The following SPON1 variants were observed in gnomAD, a reference collection of about 807,000 sequenced individuals.
SPON1 encodes the protein spondin 1.
SPON1 carries 52 observed loss-of-function variants against 111.7 expected under a neutral mutation model. The observed-to-expected ratio is 0.47, with a 90% CI of 0.37 to 0.59. SPON1 has a LOEUF of 0.59. SPON1 is among the 20% of genes least tolerant of loss of function. The pLI, the probability that SPON1 is intolerant of heterozygous loss-of-function variation, is 0.00. For missense variants in SPON1, 957 were observed against 1,068.5 expected, an observed-to-expected ratio of 0.90 and a Z score of 1.46; for synonymous variants, 410 against 395.8, an observed-to-expected ratio of 1.04 and a Z score of -0.43.
At chr11:14,196,479 T>C (rs1012917612) in intron 6 of SPON1, among the ~76,000 whole-genome samples, 12 of 152,170 alleles carry the variant, frequency 7.9e-5, no homozygotes, top group Non-Finnish European at 1.6e-4. Context: ...ATATAAAATA[T>C]ATCCCAATAA....
At chr11:14,111,808 A>G (rs1032984953) in intron 5 of SPON1, among the ~76,000 whole-genome samples, 10 of 152,194 alleles carry the variant, frequency 6.6e-5, no homozygotes, top group African/African-American at 2.4e-4. Flanking sequence ...CTTATTCTTC[A>G]TTAGTACTTA....
At chr11:14,206,434 G>T (rs531509993) in intron 6 of SPON1, among the ~76,000 whole-genome samples, 1 of 152,002 alleles carries the variant, frequency 6.6e-6, no homozygotes, top group Admixed American at 6.6e-5. Context: ...CTCGTGATCC[G>T]CCCACCTCAG....
chr11:14,113,565 T>A (rs1591378956), intron 5 of SPON1, among the ~76,000 whole-genome samples: 3 of 55,222 alleles, frequency 5.4e-5, no homozygotes, highest in Admixed American at 2.2e-4. Context: ...ATGTACTTTT[T>A]AAATTTTTTT....
chr11:13,965,693 T>C (rs1196231571), intron 1 of SPON1, among the ~76,000 whole-genome samples: 2 of 152,154 alleles, frequency 1.3e-5, no homozygotes, highest in African/African-American at 4.8e-5. Flanking sequence ...TCCAAGTAAA[T>C]ATCCTGCAAT....
intron 6 of SPON1, among the ~76,000 whole-genome samples, chr11:14,220,924 T>C (rs7932425): frequency 0.03 from 4,540 of 152,232 alleles, 226 homozygotes; most frequent in African/African-American, 0.1. Context: ...TTTCATGGCT[T>C]ATTATGCCAG....
intron 6 of SPON1, among the ~76,000 whole-genome samples, chr11:14,138,631 G>T (rs1847619091): frequency 6.6e-6 from 1 of 152,114 alleles, no homozygotes; most frequent in Non-Finnish European, 1.5e-5. Context: ...AGGCAGGCGG[G>T]GGCTGTAGGA....
chr11:14,203,021 T>G lies in SPON1; in HGVS notation c.826-40311T>G, dbSNP rs112899494. On this transcript the variant is annotated intron_variant, in intron 6 of 15. Transcript: ENST00000576479. ...AAATGCCAGACTTCAGAAAATGAAC[T>G]AAAGGCAGCCCTCAAACCCCAGAAA... Among the ~76,000 whole-genome samples the G allele has an allele frequency of 1.5e-3, 226 of 152,252 alleles. 1 individual carries two copies. The highest frequency in any genetic ancestry group is 3.4e-3 in the Middle Eastern group (1 of 294).
chr11:14,259,708 G>C lies in SPON1; in HGVS notation c.1831+7G>C. 3 of 1,567,572 alleles carry C rather than the reference G, an allele frequency of 1.9e-6. No homozygotes were observed. The highest frequency in any genetic ancestry group is 2.6e-6 in the Non-Finnish European group (3 of 1,156,254). On this transcript the variant is annotated splice_region_variant and intron_variant, in intron 13 of 15. Transcript: ENST00000576479. This position sits in a 1 kb window ranked among gnomAD's most constrained non-coding sequence, Gnocchi z 5.0. ...TGCATGATGCCAGAGTGCCGTGAGTGAGAGCGGGGGTGGACTTGGAGGAGG... is the reference window on the plus strand; with the variant it reads ...TGCATGATGCCAGAGTGCCGTGAGTCAGAGCGGGGGTGGACTTGGAGGAGG...
chr11:13,978,509 A>G (rs1554909237), intron 1 of SPON1, among the ~76,000 whole-genome samples: 5 of 152,184 alleles, frequency 3.3e-5, no homozygotes, highest in Non-Finnish European at 7.3e-5. Context: ...ATCTAATTCG[A>G]TACTCTTATC....
At chr11:14,185,618 G>T (rs1203722450) in intron 6 of SPON1, among the ~76,000 whole-genome samples, 1 of 152,226 alleles carries the variant, frequency 6.6e-6, no homozygotes, top group African/African-American at 2.4e-5. Flanking sequence ...TAGCACACAG[G>T]CATCACTGCA....
Position 14,262,820 on chromosome 11 carries a change from G to GAGGT in SPON1, c.2106_2109dup (p.Ala704ArgfsTer39). ...ATGATCCAAATGGAGCCTCAGTTTG[G>GAGGT]AGGTGCACCCTGCCCAGAGACTGTG... is the stretch of plus-strand genomic sequence containing the variant. On this transcript the variant is annotated frameshift_variant, in exon 15 of 16. Transcript: ENST00000576479. LOFTEE classifies it high-confidence loss of function. 1 of 1,613,950 alleles carries GAGGT rather than the reference G, an allele frequency of 6.2e-7. No homozygotes were observed. The highest frequency in any genetic ancestry group is 8.5e-7 in the Non-Finnish European group (1 of 1,179,898).
At chr11:14,040,617 A>T (rs1233753621) in intron 2 of SPON1, among the ~76,000 whole-genome samples, 1 of 152,220 alleles carries the variant, frequency 6.6e-6, no homozygotes, top group Non-Finnish European at 1.5e-5. Context: ...GGAATTTTTA[A>T]AAGTAAAATA....
intron 6 of SPON1, among the ~76,000 whole-genome samples, chr11:14,160,800 T>A (rs868933707): frequency 1.3e-4 from 4 of 30,576 alleles, no homozygotes; most frequent in South Asian, 1.2e-3. Flanking sequence ...ATTTATATAT[T>A]TTTATATATA....
intron 6 of SPON1, among the ~76,000 whole-genome samples, chr11:14,166,198 C>A (rs1848027980): frequency 6.6e-6 from 1 of 152,166 alleles, no homozygotes; most frequent in African/African-American, 2.4e-5. Flanking sequence ...GTAAAATAAC[C>A]AGTTTATCCA....
intron 5 of SPON1, among the ~76,000 whole-genome samples, chr11:14,097,763 G>A (rs1253285246): frequency 1.3e-5 from 2 of 152,116 alleles, no homozygotes; most frequent in African/African-American, 2.4e-5. Flanking sequence ...CCAGGCAACA[G>A]AGTGAGACCT....
intron 6 of SPON1, among the ~76,000 whole-genome samples, chr11:14,187,615 T>C (rs553464948): frequency 6.6e-6 from 1 of 152,228 alleles, no homozygotes; most frequent in South Asian, 2.1e-4. Context: ...TATTTTCTTT[T>C]TGTTGTTGTT....
chr11:14,192,008 TCAAC>T (rs1366031368), intron 6 of SPON1, among the ~76,000 whole-genome samples: 62 of 152,198 alleles, frequency 4.1e-4, no homozygotes, highest in African/African-American at 1.4e-3. Flanking sequence ...GTAAGAATGA[TCAAC>T]CAAAAGAACA....
intron 5 of SPON1, among the ~76,000 whole-genome samples, chr11:14,107,035 C>T (rs782651288): frequency 1.3e-5 from 2 of 152,132 alleles, no homozygotes; most frequent in Non-Finnish European, 2.9e-5. Flanking sequence ...ATAAGCTTGC[C>T]TCAATTTAAG....
At chr11:14,171,516 T>C (rs1323094871) in intron 6 of SPON1, among the ~76,000 whole-genome samples, 1 of 152,244 alleles carries the variant, frequency 6.6e-6, no homozygotes, top group East Asian at 1.9e-4. Context: ...ATTTTAGTTA[T>C]TTCTTGCCTT....
Sources: gnomAD v4.1 joint callset for allele counts (sites outside exome capture counted in the v4.1 genomes callset) on GRCh38, gnomAD v4.1.1 for gene constraint, Gnocchi (gnomAD v3.1) non-coding constraint, MANE v1.5 for transcripts, NCBI Gene and HGNC (gene_info 2026-07-23, HGNC 2026-07-21) for gene names.